Variants in NDUFA5 observed in about 807,000 individuals in gnomAD.
The protein encoded by NDUFA5 is NADH dehydrogenase [ubiquinone] 1 alpha subcomplex subunit 5.
In NDUFA5, 11 loss-of-function variants were observed where a neutral mutation model predicts 19.8. The ratio of observed to expected loss-of-function variants is 0.56; its 90% CI spans 0.35 to 0.92. NDUFA5 has a LOEUF of 0.92. NDUFA5 is among the 40% of genes least tolerant of loss of function. The pLI is 0.01. For missense variants in NDUFA5, 109 were observed against 134.2 expected (o/e 0.81, Z 0.93); for synonymous variants, 47 against 46.8 (o/e 1.00, Z -0.01).
chr7:123,571,993 G>A, the NDUFA5 span, among the ~76,000 whole-genome samples: 3 of 151,970 alleles, frequency 2.0e-5, no homozygotes, highest in Admixed American at 6.6e-5. Flanking sequence ...TAGGGATCTT[G>A]CCCAGGCTAG....
In NDUFA5 at chr7:123,539,045, G is replaced by A. The variant is rs1305908257; in HGVS notation, c.*3074C>T. The A allele has an allele frequency of 6.6e-6, 1 of 152,216 alleles. No homozygotes were observed. Among genetic ancestry groups the A allele is most frequent in the African/African-American group, 2.4e-5 (1 of 41,466 alleles). 9.4% of individuals were successfully genotyped at this position (152,216 alleles called of 1,614,324 possible). A position where few individuals can be genotyped will look rare whatever the true frequency, so the allele number is the denominator to read the frequency against. ...CTGAGGGAAAAGGAGGGGGAGGGGAGAATGAGGGAGAGTGAAAGGATACAA... is the reference window on the plus strand; with the variant it reads ...CTGAGGGAAAAGGAGGGGGAGGGGAAAATGAGGGAGAGTGAAAGGATACAA... On this transcript the variant is annotated 3_prime_UTR_variant, in exon 5 of 5. Coordinates refer to ENST00000355749, the MANE Select transcript of NDUFA5 (RefSeq NM_005000.5).
At chr7:123,593,647 CT>C in the NDUFA5 span, among the ~76,000 whole-genome samples, 33 of 152,200 alleles carry the variant, frequency 2.2e-4, no homozygotes, top group African/African-American at 7.0e-4. Context: ...AAGAGATCCA[CT>C]GTTAAGTCTG....
At chr7:123,553,885 C>T (rs992617991) in intron 2 of NDUFA5, among the ~76,000 whole-genome samples, 1 of 152,124 alleles carries the variant, frequency 6.6e-6, no homozygotes, top group Non-Finnish European at 1.5e-5. Flanking sequence ...TCAGCTGAGA[C>T]CAGAGAAGCA....
chr7:123,557,454 CA>C lies in NDUFA5; in HGVS notation c.22-7del, dbSNP rs779732174. 43 of 1,611,948 alleles carry C rather than the reference CA, an allele frequency of 2.7e-5. No homozygotes were observed. Among genetic ancestry groups the C allele is most frequent in the Non-Finnish European group, 2.5e-5 (29 of 1,179,020 alleles). On this transcript the variant is annotated splice_polypyrimidine_tract_variant and splice_region_variant and intron_variant, in intron 1 of 4. Transcript: ENST00000355749. ...AATCCCACAAGGCCAGTGGTCTGTT[CA>C]AAAACAAAACACGATTCATGCTGTT...
At chr7:123,544,000 T>C (rs889945120) in intron 4 of NDUFA5, among the ~76,000 whole-genome samples, 2 of 152,136 alleles carry the variant, frequency 1.3e-5, no homozygotes, top group African/African-American at 4.8e-5. Flanking sequence ...ACCTCCCTAA[T>C]CTCCAATATT....
At chr7:123,561,761 C>T (rs2116232156), upstream of NDUFA5, among the ~76,000 whole-genome samples, 2 of 152,172 alleles carry the variant, frequency 1.3e-5, no homozygotes, top group African/African-American at 4.8e-5. Flanking sequence ...CCGCACCCGG[C>T]TAATTTTTGT....
chr7:123,568,626 T>C, the NDUFA5 span, among the ~76,000 whole-genome samples: 1 of 152,180 alleles, frequency 6.6e-6, no homozygotes, highest in South Asian at 2.1e-4. Context: ...ACTCCACTTC[T>C]GTATGGGAAA....
chr7:123,576,689 C>T, the NDUFA5 span, among the ~76,000 whole-genome samples: 8 of 152,058 alleles, frequency 5.3e-5, no homozygotes, highest in Non-Finnish European at 1.0e-4. Context: ...AGTTCCTGCA[C>T]GGAATGCTGC....
chr7:123,576,280 T>A, the NDUFA5 span, among the ~76,000 whole-genome samples: 26 of 152,136 alleles, frequency 1.7e-4, no homozygotes, highest in East Asian at 4.1e-3. Context: ...TATTTGCATC[T>A]CTTTATTGAG....
At chr7:123,592,101 T>C in the NDUFA5 span, among the ~76,000 whole-genome samples, 2 of 152,250 alleles carry the variant, frequency 1.3e-5, no homozygotes. Flanking sequence ...GTGTTTATAG[T>C]ATTCTGATAG....
At chr7:123,575,916 ATT>A in the NDUFA5 span, among the ~76,000 whole-genome samples, 3 of 149,176 alleles carry the variant, frequency 2.0e-5, no homozygotes, top group Middle Eastern at 3.5e-3. Context: ...TCCTGTAAGT[ATT>A]TAGATTTAAA....
chr7:123,596,692 G>A, the NDUFA5 span, among the ~76,000 whole-genome samples: 9 of 152,124 alleles, frequency 5.9e-5, no homozygotes, highest in African/African-American at 1.2e-4. Context: ...AGTTTTCTTC[G>A]TTAAATTTAT....
At chr7:123,547,977 C>T (rs4147632) in intron 3 of NDUFA5, among the ~76,000 whole-genome samples, 1 of 151,520 alleles carries the variant, frequency 6.6e-6, no homozygotes, top group South Asian at 2.1e-4. Flanking sequence ...AAATTGAGAC[C>T]GAGAAAACTA....
At chr7:123,555,714 T>C (rs1028527006) in intron 2 of NDUFA5, 2 of 152,222 alleles carry the variant, frequency 1.3e-5, no homozygotes, top group African/African-American at 4.8e-5. Flanking sequence ...GACAGAGTTC[T>C]AGCAGTGAAA....
At chr7:123,582,289 A>G in the NDUFA5 span, among the ~76,000 whole-genome samples, 2 of 151,868 alleles carry the variant, frequency 1.3e-5, no homozygotes, top group Non-Finnish European at 2.9e-5. Context: ...GGGGGGTTGC[A>G]TTACAATATC....
the NDUFA5 span, among the ~76,000 whole-genome samples, chr7:123,574,917 A>G: frequency 6.7e-6 from 1 of 150,348 alleles, no homozygotes; most frequent in African/African-American, 2.4e-5. Context: ...TTTAACTCTC[A>G]GCTCCCTTGG....
Position 123,541,306 on chromosome 7 carries a change from G to C in NDUFA5, c.*813C>G, listed in dbSNP as rs1797936874. The C allele has an allele frequency of 6.6e-6, 1 of 152,132 alleles. No individual in the cohort carries two copies. The highest frequency in any genetic ancestry group is 6.5e-5 in the Admixed American group (1 of 15,276). 9.4% of individuals were successfully genotyped at this position (152,132 alleles called of 1,614,324 possible). A position where few individuals can be genotyped will look rare whatever the true frequency, so the allele number is the denominator to read the frequency against. On this transcript the variant is annotated 3_prime_UTR_variant, in exon 5 of 5. Transcript: ENST00000355749. Reference sequence around the variant, plus strand: ...ATCCTGATGTAATTAGGTTGATTAAGAAAATTAAAGGCCACGGGCCAGAAA... The same window carrying C: ...ATCCTGATGTAATTAGGTTGATTAACAAAATTAAAGGCCACGGGCCAGAAA...
the NDUFA5 span, among the ~76,000 whole-genome samples, chr7:123,575,369 C>T: frequency 6.6e-6 from 1 of 151,914 alleles, no homozygotes; most frequent in Non-Finnish European, 1.5e-5. Flanking sequence ...TATGTTCATA[C>T]CTCTATTATT....
At chr7:123,573,390 T>A in the NDUFA5 span, among the ~76,000 whole-genome samples, 2 of 151,884 alleles carry the variant, frequency 1.3e-5, no homozygotes, top group African/African-American at 4.8e-5. Context: ...CTCATTTGTC[T>A]GTGCATTTTG....
Sources: allele counts gnomAD v4.1 joint callset (sites outside exome capture counted in the v4.1 genomes callset), GRCh38; gene constraint gnomAD v4.1.1; transcripts MANE v1.5; gene names NCBI Gene and HGNC (gene_info 2026-07-23, HGNC 2026-07-21).